Variants in EXD2 observed in about 807,000 individuals in gnomAD.
The protein encoded by EXD2 is exonuclease 3'-5' domain containing 2.
A neutral mutation model predicts 62.5 loss-of-function variants in EXD2; 40 were observed. That is an observed-to-expected ratio of 0.64 (90% CI 0.50 to 0.83). The LOEUF (loss-of-function observed/expected upper bound fraction) is 0.83. Among genes scored for constraint, EXD2 ranks in the 40% least tolerant of loss-of-function variants. The probability of loss-of-function intolerance (pLI) is 0.00; values close to 1 mark genes in which losing one functional copy is unlikely to be tolerated. For missense variants in EXD2, 671 were observed against 761.8 expected (o/e 0.88, Z 1.40); for synonymous variants, 239 against 291.9 (o/e 0.82, Z 1.85).
At position 69,209,817 on chromosome 14, in the gene EXD2, C is replaced by G; in HGVS notation, c.333+14C>G. On this transcript the variant is annotated intron_variant, in intron 3 of 9. Coordinates refer to ENST00000685843, the MANE Select transcript of EXD2 (RefSeq NM_001193360.2). ...GACTGTGAGTGGGTAAGTTAAAAAG[C>G]AAAAGTTAAAAAAAAAAAAAAAAAA... 3 of 1,025,296 alleles carry G rather than the reference C, an allele frequency of 2.9e-6. No individual in the cohort carries two copies. Among genetic ancestry groups the G allele is most frequent in the South Asian group, 6.1e-5 (2 of 32,742 alleles). The allele number at this position is 1,025,296 out of a possible 1,614,324, so 63.5% of individuals were successfully genotyped here.
chr14:69,199,431 AT>A (rs2042314652), intron 1 of EXD2, among the ~76,000 whole-genome samples: 1 of 152,128 alleles, frequency 6.6e-6, no homozygotes, highest in Non-Finnish European at 1.5e-5. Flanking sequence ...ATTATTTAAA[AT>A]TTTTTTGGAA....
At chr14:69,213,108 G>A (rs1221058368) in intron 3 of EXD2, among the ~76,000 whole-genome samples, 3 of 141,096 alleles carry the variant, frequency 2.1e-5, no homozygotes, top group African/African-American at 7.8e-5. Context: ...TTTGTAGATG[G>A]GGTCTTGCTC....
intron 3 of EXD2, among the ~76,000 whole-genome samples, chr14:69,215,253 G>A (rs975835492): frequency 2.6e-5 from 4 of 152,026 alleles, no homozygotes; most frequent in Non-Finnish European, 4.4e-5. Flanking sequence ...GTGTGCCACT[G>A]CACTCCAGCC....
At chr14:69,229,205 T>G (rs1330447545) in intron 4 of EXD2, 133 bp downstream of exon 4, 3 of 1,219,204 alleles carry the variant, frequency 2.5e-6, no homozygotes, top group Non-Finnish European at 3.4e-6. Context: ...AGATGCATAT[T>G]GAATTTGTAA....
At chr14:69,214,986 T>A (rs114878118) in intron 3 of EXD2, among the ~76,000 whole-genome samples, 2,019 of 152,030 alleles carry the variant, frequency 0.013, 43 homozygotes, top group African/African-American at 0.047. Context: ...TATATATATA[T>A]AAAATACAGT....
intron 1 of EXD2, among the ~76,000 whole-genome samples, chr14:69,193,470 A>G (rs770182636): frequency 6.6e-6 from 1 of 152,166 alleles, no homozygotes; most frequent in Admixed American, 6.5e-5. Context: ...CCTGATTACT[A>G]TTGAGATTGA....
chr14:69,234,688 T>G lies in EXD2; in HGVS notation c.718-12T>G. ...CTTCCAGATTCCACTGATCTCTGAC[T>G]TTTCTCTTCAGGTAATTTATGCTGC... On this transcript the variant is annotated splice_polypyrimidine_tract_variant and intron_variant, in intron 5 of 9. Coordinates refer to ENST00000685843, the MANE Select transcript of EXD2 (RefSeq NM_001193360.2). The G allele has an allele frequency of 6.3e-7, 1 of 1,596,516 alleles. No individual in the cohort carries two copies. The highest frequency in any genetic ancestry group is 8.5e-7 in the Non-Finnish European group (1 of 1,172,344).
At chr14:69,236,266 A>G (rs2043781756) in intron 7 of EXD2, 114 bp downstream of exon 7, 1 of 1,508,288 alleles carries the variant, frequency 6.6e-7, no homozygotes, top group Non-Finnish European at 9.2e-7. Flanking sequence ...AGACCGTGAG[A>G]TGCATGGGAC....
intron 3 of EXD2, 36 bp from the exon 4 acceptor site, chr14:69,228,780 A>C (rs1309900189): frequency 1.9e-6 from 3 of 1,585,950 alleles, no homozygotes; most frequent in Non-Finnish European, 2.6e-6. Flanking sequence ...TGCTGTGCTC[A>C]GGTGTGAACC....
intron 3 of EXD2, chr14:69,224,174 A>AC (rs2140289094): frequency 6.6e-6 from 1 of 152,594 alleles, no homozygotes; most frequent in South Asian, 2.1e-4. Flanking sequence ...AGCTGGGACT[A>AC]CAGGTGCACA....
chr14:69,229,047 C>G lies in EXD2; in HGVS notation c.565C>G (p.Leu189Val). 1 of 1,614,188 alleles carries G rather than the reference C, an allele frequency of 6.2e-7. No homozygotes were observed. Among genetic ancestry groups the G allele is most frequent in the Non-Finnish European group, 8.5e-7 (1 of 1,180,026 alleles). ...YGLVVRGCLD[L>V]RYLAMRQRNN... ...CCTCGTTGTTAGGGGGTGCCTGGAC[C>G]TCCGATACCTAGCCATGCGGCAGAG... The change falls in exon 4 of 10, where the codon CTC becomes GTC. Residue 189 changes from leucine (L) to valine (V), a missense_variant. Coordinates refer to ENST00000685843, the MANE Select transcript of EXD2 (RefSeq NM_001193360.2).
At chr14:69,193,769 C>G (rs773957872) in intron 1 of EXD2, among the ~76,000 whole-genome samples, 1 of 151,828 alleles carries the variant, frequency 6.6e-6, no homozygotes, top group Non-Finnish European at 1.5e-5. Flanking sequence ...ATTCCCAATC[C>G]GAGTGGTTCT....
In EXD2 at chr14:69,193,118, G is replaced by A. The variant is rs150378624; in HGVS notation, c.-132+1527G>A. Among the ~76,000 whole-genome samples, 803 of 151,122 alleles carry A rather than the reference G, an allele frequency of 5.3e-3. 5 individuals carry two copies. Among genetic ancestry groups the A allele is most frequent in the African/African-American group, 0.019 (776 of 41,134 alleles). ...CTGTTGCCCAGGTTGGAGTGCAGTG[G>A]CGTGATCTCAGCTCACTGCAGCCTC... On this transcript the variant is annotated intron_variant, in intron 1 of 9. Coordinates refer to ENST00000685843, the MANE Select transcript of EXD2 (RefSeq NM_001193360.2).
chr14:69,202,343 C>T (rs912378248), intron 1 of EXD2, among the ~76,000 whole-genome samples: 1 of 152,056 alleles, frequency 6.6e-6, no homozygotes, highest in Non-Finnish European at 1.5e-5. Context: ...TGCCACGGCA[C>T]TGTAGCCTGG....
At chr14:69,201,844 G>A (rs754535243) in intron 1 of EXD2, among the ~76,000 whole-genome samples, 14 of 151,650 alleles carry the variant, frequency 9.2e-5, no homozygotes, top group African/African-American at 2.2e-4. Flanking sequence ...CACCACACCC[G>A]GCTAATTTTT....
At position 69,230,596 on chromosome 14, in the gene EXD2, C is replaced by G. The variant is rs763785700; in HGVS notation, c.715C>G (p.Gln239Glu). The change falls in exon 5 of 10, where the codon CAG becomes GAG. Residue 239 changes from glutamine (Q) to glutamate (E), a missense_variant and splice_region_variant. Coordinates refer to ENST00000685843, the MANE Select transcript of EXD2 (RefSeq NM_001193360.2). ...GGATGCTGAGACTCTCACAGAGGAC[C>G]AGGTACTTCTTATCAGAGTAGTTGA... ...NWDAETLTED[Q>E]VIYAARDAQI... is the part of the protein sequence containing the mutation. 4 of 1,606,194 alleles carry G rather than the reference C, an allele frequency of 2.5e-6. No individual in the cohort carries two copies. Among genetic ancestry groups the G allele is most frequent in the South Asian group, 2.2e-5 (2 of 90,030 alleles).
chr14:69,200,352 T>G (rs1478823336), intron 1 of EXD2, among the ~76,000 whole-genome samples: 1 of 152,108 alleles, frequency 6.6e-6, no homozygotes, highest in Non-Finnish European at 1.5e-5. Context: ...TGGGTGATGG[T>G]GATGGTTGCA....
In EXD2 at chr14:69,241,345, C is replaced by T. The variant is rs2043978540; in HGVS notation, c.*245C>T. 1.5e-5 allele frequency: 7 copies of T among 453,536 alleles called. No individual in the cohort carries two copies. The South Asian group carries it at 1.7e-4, about 11-fold the overall frequency. The allele number at this position is 453,536 out of a possible 1,614,324, so 28.1% of individuals were successfully genotyped here. A position where few individuals can be genotyped will look rare whatever the true frequency, so the allele number is the denominator to read the frequency against. On this transcript the variant is annotated 3_prime_UTR_variant, in exon 10 of 10. Transcript: ENST00000685843. ...CATTTTTGTGGACAAGAGAGGCCTT[C>T]GCCTTTATTTTTACTCTCCCTCTTC...
At chr14:69,217,345 A>G (rs1443981897) in intron 3 of EXD2, among the ~76,000 whole-genome samples, 1 of 152,170 alleles carries the variant, frequency 6.6e-6, no homozygotes, top group Non-Finnish European at 1.5e-5. Context: ...GGGAGCTACT[A>G]TGCCCACCAA....
Sources: gnomAD v4.1 joint callset for allele counts (sites outside exome capture counted in the v4.1 genomes callset) on GRCh38, gnomAD v4.1.1 for gene constraint, MANE v1.5 for transcripts, NCBI Gene and HGNC (gene_info 2026-07-23, HGNC 2026-07-21) for gene names.